The following MAPK10 variants were observed in gnomAD, a reference collection of about 807,000 sequenced individuals.
The protein encoded by MAPK10 is mitogen-activated protein kinase 10, also known as JNK3 alpha protein kinase.
A neutral mutation model predicts 59.3 loss-of-function variants in MAPK10; 25 were observed. That is an observed-to-expected ratio of 0.42 (90% confidence interval 0.31 to 0.59). The LOEUF (loss-of-function observed/expected upper bound fraction) is 0.59, where lower values mean the gene tolerates loss of function less well. MAPK10 is among the 20% of genes least tolerant of loss of function. The pLI, the probability that MAPK10 is intolerant of heterozygous loss-of-function variation, is 0.15. For missense variants in MAPK10, 351 were observed against 568.9 expected (o/e 0.62, Z 3.90); for synonymous variants, 190 against 200.5 (o/e 0.95, Z 0.44).
chr4:86,176,488 T>C (rs2075711364), intron 3 of MAPK10, among the ~76,000 whole-genome samples: 1 of 152,178 alleles, frequency 6.6e-6, no homozygotes, highest in Non-Finnish European at 1.5e-5. Context: ...TCTGACCTTT[T>C]TGTGCTTCAA....
At chr4:86,159,996 C>T (rs2069045156) in intron 3 of MAPK10, among the ~76,000 whole-genome samples, 1 of 151,932 alleles carries the variant, frequency 6.6e-6, no homozygotes, top group Admixed American at 6.6e-5. Context: ...ACAGTCTTGA[C>T]TTCATTTGTC....
At chr4:86,262,364 G>A (rs565962425) in intron 2 of MAPK10, among the ~76,000 whole-genome samples, 1 of 152,190 alleles carries the variant, frequency 6.6e-6, no homozygotes, top group African/African-American at 2.4e-5. Flanking sequence ...AAAATAAATC[G>A]CTGTTCTTTA....
intron 1 of MAPK10, among the ~76,000 whole-genome samples, chr4:86,521,649 C>T (rs894141966): frequency 1.3e-5 from 2 of 152,170 alleles, no homozygotes; most frequent in East Asian, 1.9e-4. Context: ...TCCCACTATG[C>T]CCCCCAACCA....
chr4:86,376,015 A>T (rs868102748), intron 1 of MAPK10, among the ~76,000 whole-genome samples: 8 of 152,164 alleles, frequency 5.3e-5, no homozygotes, highest in African/African-American at 1.9e-4. Flanking sequence ...TATTCTGGGT[A>T]TTATCTCATT....
chr4:86,592,509 T>G (rs1161711961), intron 1 of MAPK10, among the ~76,000 whole-genome samples: 4 of 152,258 alleles, frequency 2.6e-5, no homozygotes, highest in Admixed American at 6.5e-5. Flanking sequence ...AGGATATTGC[T>G]TTTCTTTCCA....
chr4:86,518,234 G>T (rs1756849976), intron 1 of MAPK10, among the ~76,000 whole-genome samples: 1 of 152,226 alleles, frequency 6.6e-6, no homozygotes, highest in Non-Finnish European at 1.5e-5. Flanking sequence ...TGTTGGCCAG[G>T]CTTGCCTCGA....
intron 2 of MAPK10, among the ~76,000 whole-genome samples, chr4:86,317,871 C>G (rs539505372): frequency 6.6e-6 from 1 of 152,318 alleles, no homozygotes; most frequent in African/African-American, 2.4e-5. Context: ...AGAAATCAGG[C>G]TATCGGCAGG....
chr4:86,347,546 A>C (rs1373924085), intron 2 of MAPK10, among the ~76,000 whole-genome samples: 3 of 152,174 alleles, frequency 2.0e-5, no homozygotes, highest in Admixed American at 1.3e-4. Context: ...TTTATACAAT[A>C]CTAGAGTGTC....
At chr4:86,483,102 G>A (rs140660548) in intron 1 of MAPK10, among the ~76,000 whole-genome samples, 42 of 152,168 alleles carry the variant, frequency 2.8e-4, no homozygotes, top group Middle Eastern at 3.4e-3. Context: ...CTCTTCTACC[G>A]TCTCCCCAGC....
chr4:86,392,607 GAA>G (rs75955663), intron 1 of MAPK10, among the ~76,000 whole-genome samples: 33 of 146,182 alleles, frequency 2.3e-4, no homozygotes, highest in African/African-American at 7.8e-4. Context: ...AAACAAAAAA[GAA>G]AAAAAAAAGG....
rs539607476 is a variant in MAPK10, at chr4:86,208,643, G to A, written c.-6-14236C>T. 2.0e-5 allele frequency among the ~76,000 whole-genome samples: 3 copies of A among 151,850 alleles called. No homozygotes were observed. In the South Asian group the frequency reaches 6.2e-4, roughly 32 times the overall value. On this transcript the variant is annotated intron_variant, in intron 2 of 13. Coordinates refer to ENST00000641462, the MANE Select transcript of MAPK10 (RefSeq NM_138982.4). The stretch of plus-strand genomic sequence containing the variant: ...CCCACAGCCAATATCATACTGAATG[G>A]GCAAAAACCGGAAGCACTCCCTTTG...
rs1162191750 is a variant in MAPK10, at chr4:86,011,317, C to T, written c.*5911G>A. The stretch of plus-strand genomic sequence containing the variant: ...TCACTATTAGCATGTGTCATCCAAG[C>T]ATGCCTTTCAACATCTGTGGAGAAA... On this transcript the variant is annotated 3_prime_UTR_variant, in exon 14 of 14. Transcript: ENST00000641462. 1 of 152,188 alleles carries T rather than the reference C, an allele frequency of 6.6e-6. No homozygotes were observed. The highest frequency in any genetic ancestry group is 1.5e-5 in the Non-Finnish European group (1 of 68,046). The allele number at this position is 152,188 out of a possible 1,614,324, so 9.4% of individuals were successfully genotyped here. A position where few individuals can be genotyped will look rare whatever the true frequency, so the allele number is the denominator to read the frequency against.
intron 2 of MAPK10, among the ~76,000 whole-genome samples, chr4:86,342,682 C>A (rs1202439817): frequency 1.3e-5 from 2 of 152,168 alleles, no homozygotes; most frequent in Non-Finnish European, 2.9e-5. Context: ...AGAATGAAAT[C>A]ATAAAGAACC....
intron 1 of MAPK10, among the ~76,000 whole-genome samples, chr4:86,517,498 A>C (rs1265283260): frequency 2.0e-5 from 3 of 151,992 alleles, no homozygotes; most frequent in African/African-American, 7.3e-5. Context: ...GATGGTCTCA[A>C]TCTCCTGACC....
intron 1 of MAPK10, among the ~76,000 whole-genome samples, chr4:86,547,451 G>A (rs932532037): frequency 4.6e-5 from 7 of 152,364 alleles, no homozygotes; most frequent in African/African-American, 1.7e-4. Context: ...GCCAGCAACT[G>A]CTGTGCTCAA....
chr4:86,054,611 C>G (rs999221735), intron 11 of MAPK10, among the ~76,000 whole-genome samples: 16 of 152,172 alleles, frequency 1.1e-4, no homozygotes, highest in Non-Finnish European at 2.2e-4. Context: ...ATTGCTCTTT[C>G]TATAATTAAG....
At chr4:86,033,378 T>C (rs556057330) in intron 11 of MAPK10, among the ~76,000 whole-genome samples, 67 of 152,232 alleles carry the variant, frequency 4.4e-4, no homozygotes, top group Non-Finnish European at 8.2e-4. Context: ...CCCTCTGAGC[T>C]GTTGGCACCT....
chr4:86,581,258 T>TA (rs528787219), intron 1 of MAPK10, among the ~76,000 whole-genome samples: 110 of 146,958 alleles, frequency 7.5e-4, no homozygotes, highest in South Asian at 6.5e-3. Context: ...GTCTGAAATT[T>TA]AAAAAAAAAA....
At chr4:86,491,552 A>G (rs1317327928) in intron 1 of MAPK10, among the ~76,000 whole-genome samples, 4 of 152,206 alleles carry the variant, frequency 2.6e-5, no homozygotes, top group Non-Finnish European at 5.9e-5. Flanking sequence ...GCAGGATATT[A>G]TCTCCTAGCA....
Sources: gnomAD v4.1 joint callset for allele counts (sites outside exome capture counted in the v4.1 genomes callset) on GRCh38, gnomAD v4.1.1 for gene constraint, MANE v1.5 for transcripts, NCBI Gene and HGNC (gene_info 2026-07-23, HGNC 2026-07-21) for gene names.